Variants in TPGS2 observed in about 807,000 individuals in gnomAD.
TPGS2 encodes the protein tubulin polyglutamylase complex subunit 2, also known as polyglutamylase subunit 2.
A neutral mutation model predicts 31.1 loss-of-function variants in TPGS2; 26 were observed. The observed-to-expected ratio is 0.84, with a 90% CI of 0.61 to 1.16. The LOEUF (loss-of-function observed/expected upper bound fraction) is 1.16, where lower values mean the gene tolerates loss of function less well. TPGS2 is among the 50% of genes most tolerant of loss of function. TPGS2 has a pLI of 0.00. For synonymous variants in TPGS2, 130 were observed against 136.6 expected (o/e 0.95, Z 0.34); for missense variants, 351 against 363.8 (o/e 0.96, Z 0.29).
downstream of TPGS2, among the ~76,000 whole-genome samples, chr18:36,792,723 G>A (rs1369598570): frequency 6.6e-6 from 1 of 152,182 alleles, no homozygotes; most frequent in Non-Finnish European, 1.5e-5. Flanking sequence ...TGGCATTGGT[G>A]CATGTCAGCT....
Position 36,823,460 on chromosome 18 carries a change from G to GTTTTTTTTTTTTTTTTTTT in TPGS2, c.86-4488_86-4487insAAAAAAAAAAAAAAAAAAA, listed in dbSNP as rs919277214. 3.5e-4 allele frequency among the ~76,000 whole-genome samples: 38 copies of GTTTTTTTTTTTTTTTTTTT among 108,086 alleles called. 3 individuals are homozygous for GTTTTTTTTTTTTTTTTTTT. Among genetic ancestry groups the GTTTTTTTTTTTTTTTTTTT allele is most frequent in the Non-Finnish European group, 5.1e-4 (28 of 54,594 alleles). The allele number at this position is 108,086 out of a possible 152,430, so 70.9% of individuals were successfully genotyped here. ...TCTCTGACTTCCTTGTTAACAGCTT[G>GTTTTTTTTTTTTTTTTTTT]TTTTTTTTTTTTTTTTTTGAGACGG... On this transcript the variant is annotated intron_variant, in intron 1 of 6. Coordinates refer to ENST00000334295, the MANE Select transcript of TPGS2 (RefSeq NM_015476.4).
rs547110620 is a variant in TPGS2, at chr18:36,813,742, C to T, written c.165+5152G>A. ...AGCTAAATAGCTAGAAGGAGATATA[C>T]GTTGAAGGTTTTTTGTTTTTAATTT... On this transcript the variant is annotated intron_variant, in intron 2 of 6. Coordinates refer to ENST00000334295, the MANE Select transcript of TPGS2 (RefSeq NM_015476.4). Among the ~76,000 whole-genome samples, 7 of 152,260 alleles carry T rather than the reference C, an allele frequency of 4.6e-5. No individual in the cohort carries two copies. In the South Asian group the frequency reaches 6.2e-4, roughly 14 times the overall value.
At position 36,794,810 on chromosome 18, in the gene TPGS2, G is replaced by GTGAC; in HGVS notation, c.*1991_*1994dup. Reference sequence around the variant, plus strand: ...GGCCAAAATGTCTCCTAGAGAATATGTGACAGTCATGTTATGGTTAAAACA... The same window carrying GTGAC: ...GGCCAAAATGTCTCCTAGAGAATATGTGACTGACAGTCATGTTATGGTTAAAACA... On this transcript the variant is annotated 3_prime_UTR_variant, in exon 7 of 7. Coordinates refer to ENST00000334295, the MANE Select transcript of TPGS2 (RefSeq NM_015476.4). 1.0e-6 allele frequency: 1 copy of GTGAC among 981,754 alleles called. No individual in the cohort carries two copies. Among genetic ancestry groups the GTGAC allele is most frequent in the African/African-American group, 1.8e-5 (1 of 55,748 alleles). 60.8% of individuals were successfully genotyped at this position (981,754 alleles called of 1,614,324 possible).
chr18:36,785,586 ATTGTC>A (rs955070922), intron 6 of TPGS2, among the ~76,000 whole-genome samples: 7 of 152,234 alleles, frequency 4.6e-5, no homozygotes, highest in Non-Finnish European at 1.0e-4. Context: ...AATGAGCACT[ATTGTC>A]TTTAAGAATA....
chr18:36,818,621 C>T, intron 2 of TPGS2: 1 of 356,750 alleles, frequency 2.8e-6, no homozygotes, highest in Non-Finnish European at 5.1e-6. Flanking sequence ...CTTTCTTTTC[C>T]TTAATTGATT....
chr18:36,794,415 T>C lies in TPGS2; in HGVS notation c.*2390A>G. 1 of 985,468 alleles carries C rather than the reference T, an allele frequency of 1.0e-6. No homozygotes were observed. Among genetic ancestry groups the C allele is most frequent in the Non-Finnish European group, 1.2e-6 (1 of 829,944 alleles). The allele number at this position is 985,468 out of a possible 1,614,324, so 61.0% of individuals were successfully genotyped here. On this transcript the variant is annotated 3_prime_UTR_variant, in exon 7 of 7. Coordinates refer to ENST00000334295, the MANE Select transcript of TPGS2 (RefSeq NM_015476.4). ...GAACTCCCACTTGATTGCCACAGATTTGAGTGACACCGCTGACCTCCTGGT... is the reference window on the plus strand; with the variant it reads ...GAACTCCCACTTGATTGCCACAGATCTGAGTGACACCGCTGACCTCCTGGT...
chr18:36,825,347 G>C (rs2046083986), intron 1 of TPGS2, among the ~76,000 whole-genome samples: 2 of 150,680 alleles, frequency 1.3e-5, no homozygotes, highest in African/African-American at 4.9e-5. Flanking sequence ...CAGGAGAATG[G>C]CTAGAACCCG....
At chr18:36,805,644 G>T in intron 3 of TPGS2, 142 bp from the exon 4 acceptor site, 1 of 1,199,334 alleles carries the variant, frequency 8.3e-7, no homozygotes, top group Non-Finnish European at 1.2e-6. Context: ...GGGAAGAAGA[G>T]GATTACTCAC....
At chr18:36,807,144 TGCCACGAACGG>T in intron 3 of TPGS2, among the ~76,000 whole-genome samples, 1 of 152,192 alleles carries the variant, frequency 6.6e-6, no homozygotes, top group East Asian at 1.9e-4. Flanking sequence ...GGGGAATCTG[TGCCACGAACGG>T]GCTGGGCTCC....
chr18:36,785,290 T>C (rs919833096), intron 6 of TPGS2, among the ~76,000 whole-genome samples: 2 of 152,020 alleles, frequency 1.3e-5, no homozygotes, highest in African/African-American at 4.8e-5. Context: ...CGAGTGAAAC[T>C]CTGTCTCAAA....
intron 3 of TPGS2, chr18:36,805,935 A>G (rs957124148): frequency 1.5e-5 from 2 of 129,834 alleles, no homozygotes; most frequent in African/African-American, 6.4e-5. Flanking sequence ...TCTTCTTGTT[A>G]TAAGCTTTCA....
intron 4 of TPGS2, among the ~76,000 whole-genome samples, chr18:36,802,532 C>T (rs1478039899): frequency 2.6e-5 from 4 of 151,892 alleles, no homozygotes; most frequent in Non-Finnish European, 4.4e-5. Context: ...CAGTTCCTCC[C>T]TGAAATTTTA....
chr18:36,793,485 T>G (rs2044384514), downstream of TPGS2, among the ~76,000 whole-genome samples: 1 of 152,204 alleles, frequency 6.6e-6, no homozygotes, highest in Non-Finnish European at 1.5e-5. Flanking sequence ...CTAAGAAACA[T>G]GAATGACCTA....
downstream of TPGS2, chr18:36,780,161 G>C (rs866183703): frequency 2.4e-6 from 3 of 1,231,718 alleles, no homozygotes; most frequent in Non-Finnish European, 3.0e-6. Context: ...AAGCACCCTC[G>C]CTTGGAACGG....
At chr18:36,827,606 T>G (rs568898528) in intron 1 of TPGS2, among the ~76,000 whole-genome samples, 1 of 152,282 alleles carries the variant, frequency 6.6e-6, no homozygotes, top group Non-Finnish European at 1.5e-5. Flanking sequence ...GGTACAGACA[T>G]TTGGATTTTA....
At chr18:36,782,091 C>A (rs1179351382), downstream of TPGS2, among the ~76,000 whole-genome samples, 1 of 152,120 alleles carries the variant, frequency 6.6e-6, no homozygotes, top group Admixed American at 6.5e-5. Flanking sequence ...GATGCACAGA[C>A]AAAAGGAAGC....
At chr18:36,816,014 A>G (rs897031359) in intron 2 of TPGS2, among the ~76,000 whole-genome samples, 2 of 152,154 alleles carry the variant, frequency 1.3e-5, no homozygotes, top group African/African-American at 2.4e-5. Flanking sequence ...GATTTGGCAT[A>G]TTTGAACTTA....
At chr18:36,824,505 T>C (rs1210472337) in intron 1 of TPGS2, among the ~76,000 whole-genome samples, 1 of 152,248 alleles carries the variant, frequency 6.6e-6, no homozygotes, top group Admixed American at 6.5e-5. Flanking sequence ...CAGCAGTGTA[T>C]GATATCTTCA....
In TPGS2 at chr18:36,805,369, C is replaced by T. The variant is rs1295432928; in HGVS notation, c.382+5G>A. The stretch of plus-strand genomic sequence containing the variant: ...ACAAAGATACCAACCTTGGTATCTT[C>T]CTACCTTCATGTGTATCGTCCTCCA... On this transcript the variant is annotated splice_donor_5th_base_variant and intron_variant, in intron 4 of 6. Coordinates refer to ENST00000334295, the MANE Select transcript of TPGS2 (RefSeq NM_015476.4). The T allele has an allele frequency of 1.9e-6, 3 of 1,613,706 alleles. No homozygotes were observed. The highest frequency in any genetic ancestry group is 2.5e-6 in the Non-Finnish European group (3 of 1,179,772).
Sources: gnomAD v4.1 joint callset for allele counts (sites outside exome capture counted in the v4.1 genomes callset) on GRCh38, gnomAD v4.1.1 for gene constraint, MANE v1.5 for transcripts, NCBI Gene and HGNC (gene_info 2026-07-23, HGNC 2026-07-21) for gene names.